The following CNTNAP2 variants were observed in gnomAD, a reference collection of about 807,000 sequenced individuals.
CNTNAP2 encodes contactin-associated protein-like 2.
Under a neutral mutation model 155.2 loss-of-function variants are expected in CNTNAP2, and 98 were observed. That is an observed-to-expected ratio of 0.63 (90% CI 0.54 to 0.75). The LOEUF (loss-of-function observed/expected upper bound fraction) is 0.75, where lower values mean the gene tolerates loss of function less well. Ranked by LOEUF, CNTNAP2 falls within the 30% of genes least tolerant of loss-of-function variation. The probability of loss-of-function intolerance (pLI) is 0.00; values close to 1 mark genes in which losing one functional copy is unlikely to be tolerated. For missense variants in CNTNAP2, 1,727 were observed against 1,688.1 expected (o/e 1.02, Z -0.40); for synonymous variants, 651 against 631.2 (o/e 1.03, Z -0.47).
At chr7:146,668,287 T>C (rs918926226) in intron 1 of CNTNAP2, among the ~76,000 whole-genome samples, 2 of 152,180 alleles carry the variant, frequency 1.3e-5, no homozygotes, top group Non-Finnish European at 2.9e-5. Context: ...TTTGTGTATA[T>C]TAAACCATCC....
At chr7:147,917,477 TAG>T (rs1224324857) in intron 14 of CNTNAP2, among the ~76,000 whole-genome samples, 1 of 152,230 alleles carries the variant, frequency 6.6e-6, no homozygotes, top group African/African-American at 2.4e-5. Flanking sequence ...ACATGGCTTC[TAG>T]AGCTCCAGCC....
chr7:146,381,876 T>A (rs192900394), intron 1 of CNTNAP2, among the ~76,000 whole-genome samples: 1 of 152,148 alleles, frequency 6.6e-6, no homozygotes, highest in Admixed American at 6.5e-5. Flanking sequence ...CTCTGTAGAC[T>A]GCGACTTAGA....
At chr7:148,331,296 AGTGG>A in intron 21 of CNTNAP2, among the ~76,000 whole-genome samples, 1 of 88,446 alleles carries the variant, frequency 1.1e-5, no homozygotes, top group Non-Finnish European at 2.3e-5. Flanking sequence ...GGATGGATGG[AGTGG>A]ATGGATGGAG....
chr7:146,694,180 C>T (rs1800744942), intron 1 of CNTNAP2, among the ~76,000 whole-genome samples: 1 of 152,088 alleles, frequency 6.6e-6, no homozygotes, highest in African/African-American at 2.4e-5. Flanking sequence ...TAAAACTCAG[C>T]ATCTAGAGAG....
intron 1 of CNTNAP2, among the ~76,000 whole-genome samples, chr7:146,766,458 G>A (rs951269674): frequency 6.6e-6 from 1 of 152,072 alleles, no homozygotes; most frequent in Non-Finnish European, 1.5e-5. Flanking sequence ...AATATTATTA[G>A]GTCTGTGTAG....
intron 21 of CNTNAP2, among the ~76,000 whole-genome samples, chr7:148,267,801 C>T (rs543389590): frequency 5.3e-5 from 8 of 152,282 alleles, no homozygotes; most frequent in Non-Finnish European, 1.2e-4. Context: ...CTGCTCCAGG[C>T]TTCTCTATGT....
At chr7:146,546,873 C>T (rs1798037241) in intron 1 of CNTNAP2, among the ~76,000 whole-genome samples, 1 of 151,904 alleles carries the variant, frequency 6.6e-6, no homozygotes, top group African/African-American at 2.4e-5. Context: ...TCAATTACCT[C>T]CCACTGGGTC....
chr7:146,961,414 A>G (rs1040244186), intron 3 of CNTNAP2, among the ~76,000 whole-genome samples: 1 of 152,186 alleles, frequency 6.6e-6, no homozygotes, highest in Non-Finnish European at 1.5e-5. Flanking sequence ...TTTTGCTGTG[A>G]CCTGTATTTG....
chr7:146,549,235 C>A (rs1177777788), intron 1 of CNTNAP2, among the ~76,000 whole-genome samples: 1 of 151,900 alleles, frequency 6.6e-6, no homozygotes, highest in Non-Finnish European at 1.5e-5. Flanking sequence ...AAATTGATAG[C>A]ACATGCCAGA....
chr7:146,702,900 A>G (rs1396330344), intron 1 of CNTNAP2, among the ~76,000 whole-genome samples: 1 of 152,148 alleles, frequency 6.6e-6, no homozygotes, highest in Non-Finnish European at 1.5e-5. Flanking sequence ...TTCCAACCAA[A>G]TCATATATGC....
intron 1 of CNTNAP2, among the ~76,000 whole-genome samples, chr7:146,567,869 C>A (rs1487776185): frequency 6.6e-6 from 1 of 152,196 alleles, no homozygotes; most frequent in African/African-American, 2.4e-5. Context: ...TACAGGCGCC[C>A]GCCACCACGC....
intron 21 of CNTNAP2, among the ~76,000 whole-genome samples, chr7:148,300,425 T>C (rs1797362964): frequency 1.3e-5 from 2 of 152,234 alleles, no homozygotes; most frequent in African/African-American, 4.8e-5. Flanking sequence ...AGCATCAGCA[T>C]ATGAACTATA....
At chr7:147,101,547 G>A (rs1342344667) in intron 4 of CNTNAP2, among the ~76,000 whole-genome samples, 1 of 152,124 alleles carries the variant, frequency 6.6e-6, no homozygotes, top group African/African-American at 2.4e-5. Flanking sequence ...TGATACGCAG[G>A]TCCTTGTCTG....
chr7:148,109,017 G>A (rs755195905), intron 15 of CNTNAP2, among the ~76,000 whole-genome samples: 3 of 152,210 alleles, frequency 2.0e-5, no homozygotes, highest in Non-Finnish European at 4.4e-5. Context: ...ATCAGGCTCA[G>A]GGGAAAAGCC....
chr7:147,864,027 C>T (rs1300611581), intron 13 of CNTNAP2, among the ~76,000 whole-genome samples: 2 of 151,876 alleles, frequency 1.3e-5, no homozygotes, highest in African/African-American at 4.8e-5. Flanking sequence ...AATGGTATTG[C>T]CTAGGTTTTC....
intron 13 of CNTNAP2, among the ~76,000 whole-genome samples, chr7:147,838,644 A>G (rs1477965062): frequency 6.6e-6 from 1 of 152,210 alleles, no homozygotes; most frequent in Non-Finnish European, 1.5e-5. Context: ...CCTTTGCTCC[A>G]GTTCCCAACA....
chr7:147,691,517 C>T (rs1418100490), intron 13 of CNTNAP2, among the ~76,000 whole-genome samples: 1 of 152,088 alleles, frequency 6.6e-6, no homozygotes, highest in Non-Finnish European at 1.5e-5. Context: ...AGATTCAATG[C>T]AATCCGAATC....
At chr7:146,333,832 A>T (rs1434661524) in intron 1 of CNTNAP2, among the ~76,000 whole-genome samples, 1 of 152,162 alleles carries the variant, frequency 6.6e-6, no homozygotes, top group Non-Finnish European at 1.5e-5. Context: ...GGCTTCTAGG[A>T]TCACCATGCT....
chr7:148,298,989 T>TC (rs1029108092), intron 21 of CNTNAP2, among the ~76,000 whole-genome samples: 65 of 152,126 alleles, frequency 4.3e-4, no homozygotes, highest in African/African-American at 1.5e-3. Context: ...GGCCAACTTT[T>TC]TTTTTTTTTC....
Sources: gnomAD v4.1 joint callset for allele counts (sites outside exome capture counted in the v4.1 genomes callset) on GRCh38, gnomAD v4.1.1 for gene constraint, MANE v1.5 for transcripts, NCBI Gene and HGNC (gene_info 2026-07-23, HGNC 2026-07-21) for gene names.